Variants in FAM110B observed in about 807,000 individuals in gnomAD.
The protein encoded by FAM110B is protein FAM110B.
FAM110B carries 6 observed loss-of-function variants against 20.4 expected under a neutral mutation model. The observed-to-expected ratio is 0.29, with a 90% CI of 0.16 to 0.58. FAM110B has a LOEUF of 0.58. Ranked by LOEUF, FAM110B falls within the 20% of genes least tolerant of loss-of-function variation. The pLI is 0.90. For synonymous variants in FAM110B, 226 were observed against 214.1 expected (o/e 1.06, Z -0.49); for missense variants, 434 against 498.2 (o/e 0.87, Z 1.23).
intron 3 of FAM110B, among the ~76,000 whole-genome samples, chr8:58,138,955 A>C (rs746364383): frequency 6.6e-6 from 1 of 152,214 alleles, no homozygotes; most frequent in Non-Finnish European, 1.5e-5. Context: ...TTTGCTTCCC[A>C]TCCTCTGGTC....
intron 2 of FAM110B, among the ~76,000 whole-genome samples, chr8:58,055,976 C>A (rs1298673579): frequency 6.6e-6 from 1 of 152,216 alleles, no homozygotes. Flanking sequence ...AGATGGGATT[C>A]CACTTGATGT....
intron 1 of FAM110B, among the ~76,000 whole-genome samples, chr8:58,020,265 CTAAG>C (rs543287860): frequency 1.2e-3 from 176 of 152,244 alleles, no homozygotes; most frequent in Non-Finnish European, 2.2e-3. Context: ...AGTGAGCTCA[CTAAG>C]TGAGTCATTG....
intron 1 of FAM110B, among the ~76,000 whole-genome samples, chr8:58,029,516 G>A (rs1804923348): frequency 1.3e-5 from 2 of 151,998 alleles, no homozygotes; most frequent in Admixed American, 1.3e-4. Flanking sequence ...TCGTGATGTT[G>A]TAATCATGCT....
chr8:58,090,089 A>C (rs1806436191), intron 3 of FAM110B, among the ~76,000 whole-genome samples: 1 of 152,196 alleles, frequency 6.6e-6, no homozygotes, highest in Admixed American at 6.5e-5. Context: ...ACTCAGAGTA[A>C]GATGATGAGA....
intron 3 of FAM110B, among the ~76,000 whole-genome samples, chr8:58,099,594 T>C (rs1349848974): frequency 6.6e-6 from 1 of 152,210 alleles, no homozygotes; most frequent in East Asian, 1.9e-4. Context: ...TCAGTTCTGA[T>C]CTCTCCTGTC....
chr8:58,120,790 G>A (rs186752682), intron 3 of FAM110B, among the ~76,000 whole-genome samples: 209 of 152,290 alleles, frequency 1.4e-3, no homozygotes, highest in South Asian at 3.3e-3. Context: ...AAGAATGGAT[G>A]TAACTAGGCT....
At chr8:58,006,887 G>T (rs926238348) in intron 1 of FAM110B, among the ~76,000 whole-genome samples, 57 of 87,516 alleles carry the variant, frequency 6.5e-4, no homozygotes, top group African/African-American at 2.0e-3. Flanking sequence ...GAGCCACTGG[G>T]CCTGGCTTAA....
At chr8:57,999,886 T>C (rs1453025244) in intron 1 of FAM110B, among the ~76,000 whole-genome samples, 1 of 152,148 alleles carries the variant, frequency 6.6e-6, no homozygotes, top group African/African-American at 2.4e-5. Context: ...GCAACATGTT[T>C]GGGCATGTGT....
chr8:58,125,685 A>G (rs986744391), intron 3 of FAM110B, among the ~76,000 whole-genome samples: 3 of 152,188 alleles, frequency 2.0e-5, no homozygotes, highest in Non-Finnish European at 4.4e-5. Flanking sequence ...GTGAGAGCCC[A>G]TTTCTCCATA....
rs1807074335 is a variant in FAM110B, at chr8:58,112,197, T to G, written c.-324-33710T>G. Among the ~76,000 whole-genome samples, 4 of 152,102 alleles carry G rather than the reference T, an allele frequency of 2.6e-5. No homozygotes were observed. In the South Asian group the frequency reaches 8.3e-4, roughly 32 times the overall value. The stretch of plus-strand genomic sequence containing the variant: ...TACAAAAATTAGCTGGGCATGATGG[T>G]GCACACTTGTAGTTCCATCTACTTG... On this transcript the variant is annotated intron_variant, in intron 3 of 3. Transcript: ENST00000519262.
At chr8:58,002,906 T>C (rs1804328019) in intron 1 of FAM110B, among the ~76,000 whole-genome samples, 1 of 152,180 alleles carries the variant, frequency 6.6e-6, no homozygotes, top group Admixed American at 6.5e-5. Flanking sequence ...GCTGTGGCAG[T>C]TTCTTAAAAT....
At chr8:58,048,553 A>G (rs1805376031) in intron 2 of FAM110B, among the ~76,000 whole-genome samples, 1 of 152,134 alleles carries the variant, frequency 6.6e-6, no homozygotes, top group South Asian at 2.1e-4. Context: ...TACAAAATGT[A>G]CCATCTTAAT....
chr8:58,146,770 C>A lies in FAM110B; in HGVS notation c.540C>A (p.His180Gln), dbSNP rs1803877408. ...GRRSPQEGGSHVGRRLLEQSA... is the reference protein window; with the variant it reads ...GRRSPQEGGSQVGRRLLEQSA... ...GGAGCCCGCAGGAGGGCGGCTCCCA[C>A]GTGGGCAGGAGACTGCTGGAGCAGT... is the stretch of plus-strand genomic sequence containing the variant. The change falls in exon 4 of 4, where the codon CAC (histidine) becomes CAA (glutamine). Residue 180 changes from histidine to glutamine, a missense_variant. Physicochemically the swap from His to Gln is conservative, Grantham distance 24 (BLOSUM62 0). This residue lies in a region of FAM110B where 284 missense variants were observed against 278.3 expected (regional missense o/e 1.02). Coordinates refer to ENST00000519262, the MANE Select transcript of FAM110B (RefSeq NM_001377989.1). 6.2e-7 allele frequency: 1 copy of A among 1,611,430 alleles called. No individual in the cohort carries two copies. Among genetic ancestry groups the A allele is most frequent in the South Asian group, 1.1e-5 (1 of 90,808 alleles).
intron 3 of FAM110B, among the ~76,000 whole-genome samples, chr8:58,120,407 G>A (rs1807330059): frequency 6.6e-6 from 1 of 152,118 alleles, no homozygotes; most frequent in Non-Finnish European, 1.5e-5. Flanking sequence ...CCTCTCATCT[G>A]AATTATCCTG....
intron 1 of FAM110B, among the ~76,000 whole-genome samples, chr8:58,023,252 A>T (rs571505308): frequency 6.6e-6 from 1 of 152,210 alleles, no homozygotes; most frequent in Non-Finnish European, 1.5e-5. Flanking sequence ...AATTTAAAAG[A>T]TCAGCCTCCA....
chr8:58,093,230 C>T (rs1234568673), intron 3 of FAM110B, among the ~76,000 whole-genome samples: 1 of 152,130 alleles, frequency 6.6e-6, no homozygotes, highest in Non-Finnish European at 1.5e-5. Flanking sequence ...GTTTCTTTTG[C>T]TATGCAGAAG....
At chr8:58,145,078 A>G (rs1016968537) in intron 3 of FAM110B, among the ~76,000 whole-genome samples, 2 of 152,220 alleles carry the variant, frequency 1.3e-5, no homozygotes, top group African/African-American at 4.8e-5. Context: ...GGGAATATAC[A>G]TACCATGAAG....
chr8:58,021,043 A>G (rs1282000479), intron 1 of FAM110B, among the ~76,000 whole-genome samples: 1 of 152,086 alleles, frequency 6.6e-6, no homozygotes, highest in Non-Finnish European at 1.5e-5. Flanking sequence ...TGTCCAGGTA[A>G]AATTTTTTGT....
chr8:58,113,047 CT>C (rs1324214556), intron 3 of FAM110B: 1 of 151,896 alleles, frequency 6.6e-6, no homozygotes, highest in African/African-American at 2.4e-5. Flanking sequence ...GGGAAGAACT[CT>C]TTTCTCTTCA....
Sources: allele counts gnomAD v4.1 joint callset (sites outside exome capture counted in the v4.1 genomes callset), GRCh38; gene constraint gnomAD v4.1.1; regional missense constraint gnomAD v4.1.1; transcripts MANE v1.5; gene names NCBI Gene and HGNC (gene_info 2026-07-23, HGNC 2026-07-21).